The following TACC2 variants were observed in gnomAD, a reference collection of about 807,000 sequenced individuals.
TACC2 encodes transforming acidic coiled-coil-containing protein 2.
In TACC2, 137 loss-of-function variants were observed where a neutral mutation model predicts 227.3. The ratio of observed to expected loss-of-function variants is 0.60; its 90% CI spans 0.52 to 0.69. The LOEUF is 0.69. Ranked by LOEUF, TACC2 falls within the 30% of genes least tolerant of loss-of-function variation. TACC2 has a pLI of 0.00. For missense variants in TACC2, 3,470 were observed against 3,694.4 expected (o/e 0.94, Z 1.57); for synonymous variants, 1,523 against 1,487.5 (o/e 1.02, Z -0.55).
intron 2 of TACC2, among the ~76,000 whole-genome samples, chr10:122,040,241 ACTGT>A (rs1226689000): frequency 6.6e-6 from 1 of 152,118 alleles, no homozygotes; most frequent in Admixed American, 6.6e-5. Context: ...AAGTTGGGAG[ACTGT>A]CTAACACCCA....
intron 3 of TACC2, among the ~76,000 whole-genome samples, chr10:122,081,262 G>A (rs1431114097): frequency 6.6e-6 from 1 of 151,706 alleles, no homozygotes; most frequent in Non-Finnish European, 1.5e-5. Flanking sequence ...GCTCACGCCT[G>A]TAATCCCAGC....
At chr10:122,176,978 A>G (rs995774904) in intron 7 of TACC2, among the ~76,000 whole-genome samples, 1 of 152,152 alleles carries the variant, frequency 6.6e-6, no homozygotes, top group African/African-American at 2.4e-5. Context: ...TAGGGTGAGT[A>G]AATGTGGTCT....
At chr10:122,170,491 G>A (rs1442148232) in intron 7 of TACC2, among the ~76,000 whole-genome samples, 1 of 151,672 alleles carries the variant, frequency 6.6e-6, no homozygotes, top group Non-Finnish European at 1.5e-5. Context: ...CAGTAGAGAC[G>A]GGGTTTCATC....
chr10:122,176,117 C>CTCTATATATATATATATA (rs1447382017), intron 7 of TACC2, among the ~76,000 whole-genome samples: 2 of 54,642 alleles, frequency 3.7e-5, no homozygotes. Context: ...CTCTCTCTCT[C>CTCTATATATATATATATA]TATATATATA....
chr10:122,143,097 G>A (rs754093368), intron 6 of TACC2, among the ~76,000 whole-genome samples: 1 of 152,180 alleles, frequency 6.6e-6, no homozygotes, highest in South Asian at 2.1e-4. Context: ...GCAGGTTCCC[G>A]AATTTCCCAT....
chr10:122,012,418 C>CTAAAAAAAA (rs1956053370), intron 1 of TACC2, among the ~76,000 whole-genome samples: 1 of 60,726 alleles, frequency 1.6e-5, no homozygotes, highest in Non-Finnish European at 2.9e-5. Flanking sequence ...GACTCCGTCT[C>CTAAAAAAAA]AAAAAAAAAA....
chr10:122,200,261 A>G (rs2094738763), intron 8 of TACC2, among the ~76,000 whole-genome samples: 1 of 152,214 alleles, frequency 6.6e-6, no homozygotes, highest in African/African-American at 2.4e-5. Context: ...ATGGGTTCAC[A>G]GCCACCAGAT....
chr10:122,069,358 C>G (rs1403036835), intron 3 of TACC2, among the ~76,000 whole-genome samples: 1 of 152,182 alleles, frequency 6.6e-6, no homozygotes, highest in East Asian at 1.9e-4. Flanking sequence ...TCTCCTGCCT[C>G]AGCCTCCCAA....
At chr10:122,166,143 TGCC>T (rs2093149278) in intron 7 of TACC2, among the ~76,000 whole-genome samples, 2 of 152,144 alleles carry the variant, frequency 1.3e-5, no homozygotes, top group African/African-American at 2.4e-5. Flanking sequence ...GGTGCGCACC[TGCC>T]GCGGGGGACA....
Position 122,066,737 on chromosome 10 carries a change from A to G in TACC2, c.147-15910A>G, listed in dbSNP as rs1247420486. ...GTAGCTTTTAACTGGAGTGTTTATA[A>G]CATTCACATTTATTGTGATTATTAA... On this transcript the variant is annotated intron_variant, in intron 3 of 22. Coordinates refer to ENST00000369005, the MANE Select transcript of TACC2 (RefSeq NM_206862.4). Among the ~76,000 whole-genome samples, 4 of 152,326 alleles carry G rather than the reference A, an allele frequency of 2.6e-5. No individual in the cohort carries two copies. In the East Asian group the frequency reaches 7.7e-4, roughly 29 times the overall value.
intron 5 of TACC2, among the ~76,000 whole-genome samples, chr10:122,122,930 C>T (rs1033592278): frequency 1.3e-5 from 2 of 152,146 alleles, no homozygotes; most frequent in Non-Finnish European, 2.9e-5. Context: ...AATCAGCATG[C>T]TTGCAACATA....
Position 122,209,062 on chromosome 10 carries a change from TTGCAGCATC to T in TACC2, c.5972-1326_5972-1318del, listed in dbSNP as rs2095222041. On this transcript the variant is annotated intron_variant, in intron 8 of 22. Transcript: ENST00000369005. The surrounding 1 kb of genome is among the most constrained non-coding windows in gnomAD (Gnocchi z 4.5). ...CCTTTGAGCATCATTTGGCCAACAT[TTGCAGCATC>T]TGCAGCATGTTTGGGAAATAGGAGC... is the stretch of plus-strand genomic sequence containing the variant. 3.9e-5 allele frequency among the ~76,000 whole-genome samples: 6 copies of T among 152,312 alleles called. No homozygotes were observed. In the South Asian group the frequency reaches 1.2e-3, roughly 32 times the overall value.
intron 1 of TACC2, among the ~76,000 whole-genome samples, chr10:122,017,804 G>A (rs1044295104): frequency 8.9e-6 from 1 of 112,876 alleles, no homozygotes; most frequent in East Asian, 2.7e-4. Flanking sequence ...CTGAGTGACA[G>A]AGTGAAACTG....
Position 122,186,648 on chromosome 10 carries a change from A to G in TACC2, c.5835-8392A>G, listed in dbSNP as rs1289594020. 2.0e-5 allele frequency among the ~76,000 whole-genome samples: 3 copies of G among 152,040 alleles called. No individual in the cohort carries two copies. In the East Asian group the frequency reaches 5.8e-4, roughly 30 times the overall value. ...CTGCCTCAGCCTCCTGAGTAGCTGG[A>G]ATTACAGGTGCCCGCCACCATACCT... On this transcript the variant is annotated intron_variant, in intron 7 of 22. Transcript: ENST00000369005.
intron 7 of TACC2, among the ~76,000 whole-genome samples, chr10:122,164,568 A>G (rs1240385840): frequency 6.6e-6 from 1 of 152,250 alleles, no homozygotes; most frequent in Non-Finnish European, 1.5e-5. Context: ...TTGACTGTGC[A>G]TCGATCCAGG....
chr10:122,052,993 T>A (rs2075869152), intron 3 of TACC2, among the ~76,000 whole-genome samples: 1 of 152,256 alleles, frequency 6.6e-6, no homozygotes, highest in Admixed American at 6.5e-5. Flanking sequence ...CCAGACACTA[T>A]GCCAAATGCT....
rs568993581 is a variant in TACC2, at chr10:122,209,771, C to A, written c.5972-626C>A. On this transcript the variant is annotated intron_variant, in intron 8 of 22. Transcript: ENST00000369005. This position sits in a 1 kb window ranked among gnomAD's most constrained non-coding sequence, Gnocchi z 4.5. The stretch of plus-strand genomic sequence containing the variant: ...GTGGCGCAATCTCGGCTCTCTGCAA[C>A]CTCTGGCTCCCAGGCTCAAGCGATT... 7 of 155,438 alleles carry A rather than the reference C, an allele frequency of 4.5e-5. No homozygotes were observed. Among genetic ancestry groups the A allele is most frequent in the Admixed American group, 1.9e-4 (3 of 16,042 alleles). The allele number at this position is 155,438 out of a possible 1,614,324, so 9.6% of individuals were successfully genotyped here.
intron 7 of TACC2, among the ~76,000 whole-genome samples, chr10:122,170,950 C>G (rs1363505070): frequency 1.3e-5 from 2 of 152,160 alleles, no homozygotes; most frequent in Non-Finnish European, 2.9e-5. Flanking sequence ...AAGGAAGTTG[C>G]TGGCTGGGTA....
Position 122,210,827 on chromosome 10 carries a change from C to G in TACC2, c.6402C>G (p.Ser2134=). 1.9e-6 allele frequency: 3 copies of G among 1,611,358 alleles called. No individual in the cohort carries two copies. Among genetic ancestry groups the G allele is most frequent in the Non-Finnish European group, 1.7e-6 (2 of 1,179,422 alleles). ...GAACTAAAAAACCGAGGCCGCCTTC[C>G]TTAAAAAAGAAACAGACCACCAAGA... ...LKRTKKPRPP[S]LKKKQTTKKP... Residue 2134 remains serine, a synonymous_variant, in exon 9 of 23, where the codon TCC becomes TCG. Transcript: ENST00000369005. This position sits in a 1 kb window ranked among gnomAD's most constrained non-coding sequence, Gnocchi z 4.6.
Sources: gnomAD v4.1 joint callset for allele counts (sites outside exome capture counted in the v4.1 genomes callset) on GRCh38, gnomAD v4.1.1 for gene constraint, Gnocchi (gnomAD v3.1) non-coding constraint, MANE v1.5 for transcripts, NCBI Gene and HGNC (gene_info 2026-07-23, HGNC 2026-07-21) for gene names.